CARMIL2: variants seen among roughly 807,000 people sequenced by gnomAD.
CARMIL2 encodes capping protein regulator and myosin 1 linker 2, also known as capping protein, Arp2/3 and myosin-I linker protein 2.
CARMIL2 carries 96 observed loss-of-function variants against 173.3 expected under a neutral mutation model. That is an observed-to-expected ratio of 0.55 (90% CI 0.47 to 0.66). CARMIL2 has a LOEUF of 0.66. Ranked by LOEUF, CARMIL2 falls within the 30% of genes least tolerant of loss-of-function variation. CARMIL2 has a pLI of 0.00. For missense variants in CARMIL2, 1,771 were observed against 1,906.7 expected, an observed-to-expected ratio of 0.93 and a Z score of 1.33; for synonymous variants, 830 against 817.1, an observed-to-expected ratio of 1.02 and a Z score of -0.27.
Position 67,648,677 on chromosome 16 carries a change from T to C in CARMIL2, c.1440-8T>C, listed in dbSNP as rs9972635. 0.078 allele frequency: 125,406 copies of C among 1,601,826 alleles called. 9,627 individuals carry two copies. Among genetic ancestry groups the C allele is most frequent in the African/African-American group, 0.38 (28,641 of 74,586 alleles). On this transcript the variant is annotated splice_polypyrimidine_tract_variant and splice_region_variant and intron_variant, in intron 15 of 37. Coordinates refer to ENST00000334583, the MANE Select transcript of CARMIL2 (RefSeq NM_001013838.3). The surrounding 1 kb of genome is among the most constrained non-coding windows in gnomAD (Gnocchi z 6.1). Reference sequence around the variant, plus strand: ...GCTCCCGCCACCCCGTGTAACGTCCTCTCCCAGAGCCCTTTTGGATGGCCT... The same window carrying C: ...GCTCCCGCCACCCCGTGTAACGTCCCCTCCCAGAGCCCTTTTGGATGGCCT...
In CARMIL2 at chr16:67,645,758, C is replaced by G. The variant is rs747820861; in HGVS notation, c.167C>G (p.Thr56Ser). ...CGATGGAGAGCCTACCTGCTGCACA[C>G]CACCTGCCTCCCGCTGAGGGTGAGT... Reference protein sequence around the residue: ...LLRWRAYLLHTTCLPLRVDCT... With the variant: ...LLRWRAYLLHSTCLPLRVDCT... The change falls in exon 3 of 38, where the codon ACC becomes AGC. Residue 56 changes from threonine to serine, a missense_variant. Thr to Ser is a moderately conservative substitution (Grantham distance 58). Transcript: ENST00000334583. The G allele has an allele frequency of 6.2e-7, 1 of 1,612,590 alleles. No homozygotes were observed. Among genetic ancestry groups the G allele is most frequent in the African/African-American group, 1.3e-5 (1 of 74,948 alleles).
chr16:67,652,545 C>T lies in CARMIL2; in HGVS notation c.2884+7C>T. 6.2e-7 allele frequency: 1 copy of T among 1,612,906 alleles called. No homozygotes were observed. The highest frequency in any genetic ancestry group is 8.5e-7 in the Non-Finnish European group (1 of 1,179,442). ...CTGGTCCCCTTCATTCACAGTAAGT[C>T]AGGGCCTTGGGGGAGGGAGTTTACG... On this transcript the variant is annotated splice_region_variant and intron_variant, in intron 28 of 37. Coordinates refer to ENST00000334583, the MANE Select transcript of CARMIL2 (RefSeq NM_001013838.3). The surrounding 1 kb of genome is among the most constrained non-coding windows in gnomAD (Gnocchi z 4.7).
Position 67,648,881 on chromosome 16 carries a change from TC to T in CARMIL2, c.1510-9del. On this transcript the variant is annotated splice_polypyrimidine_tract_variant and intron_variant, in intron 16 of 37. Coordinates refer to ENST00000334583, the MANE Select transcript of CARMIL2 (RefSeq NM_001013838.3). The surrounding 1 kb of genome is among the most constrained non-coding windows in gnomAD (Gnocchi z 6.1). ...TGGGTCCCACTTCCCACCTCCCACC[TC>T]CCACATACAGCTGCGCTCGGCCGGC... 1 of 1,599,372 alleles carries T rather than the reference TC, an allele frequency of 6.3e-7. No individual in the cohort carries two copies. The highest frequency in any genetic ancestry group is 8.5e-7 in the Non-Finnish European group (1 of 1,173,628).
chr16:67,653,172 G>A lies in CARMIL2; in HGVS notation c.3038G>A (p.Gly1013Glu). The A allele has an allele frequency of 9.0e-7, 1 of 1,113,624 alleles. No homozygotes were observed. Among genetic ancestry groups the A allele is most frequent in the Non-Finnish European group, 1.1e-6 (1 of 912,116 alleles). The allele number at this position is 1,113,624 out of a possible 1,614,324, so 69.0% of individuals were successfully genotyped here. ...CCCCGCATGGACCTGCCACTGGCGG[G>A]GCAGCCCCTGCGCCATCCGACCCGG... Reference protein sequence around the residue: ...PLPRMDLPLAGQPLRHPTRAR... With the variant: ...PLPRMDLPLAEQPLRHPTRAR... The change falls in exon 29 of 38, where the codon GGG becomes GAG. Residue 1013 changes from glycine to glutamate, a missense_variant. Gly to Glu is a moderately conservative substitution (Grantham distance 98). Coordinates refer to ENST00000334583, the MANE Select transcript of CARMIL2 (RefSeq NM_001013838.3). This position sits in a 1 kb window ranked among gnomAD's most constrained non-coding sequence, Gnocchi z 7.4.
At chr16:67,647,049 GGGCTGCTGGGCCTGGGACCT>G in intron 8 of CARMIL2, 47 bp from the exon 9 acceptor site, 1 of 1,606,924 alleles carries the variant, frequency 6.2e-7, no homozygotes, top group Non-Finnish European at 8.5e-7. Flanking sequence ...CTCCATGGAG[GGGCTGCTGGGCCTGGGACCT>G]GGCTGGAGGG....
rs765817045 is a variant in CARMIL2 at position 67,651,316 on chromosome 16, G to C, written c.2313+1G>C. 6.2e-7 allele frequency: 1 copy of C among 1,613,376 alleles called. No individual in the cohort carries two copies. The highest frequency in any genetic ancestry group is 1.1e-5 in the South Asian group (1 of 91,086). ...CCAAAATGCCAACTTCTCTCTCAGCGTGAGCACTCCCCCTCCTGCTACAAG... is the reference window on the plus strand; with the variant it reads ...CCAAAATGCCAACTTCTCTCTCAGCCTGAGCACTCCCCCTCCTGCTACAAG... On this transcript the variant is annotated splice_donor_variant, in intron 23 of 37. Transcript: ENST00000334583. LOFTEE classifies it high-confidence loss of function. The surrounding 1 kb of genome is among the most constrained non-coding windows in gnomAD (Gnocchi z 4.2).
At position 67,646,295 on chromosome 16, in the gene CARMIL2, C is replaced by T. The variant is rs201898634; in HGVS notation, c.359C>T (p.Pro120Leu). ...GCTGCAGCCATCAAGAAGGTCTTCC[C>T]TCGCTCGACCCTTGGGTGAGGCCTG... is the stretch of plus-strand genomic sequence containing the variant. The part of the protein sequence containing the change: ...HVAAAIKKVF[P>L]RSTLGKLFRR... Residue 120 changes from proline (P) to leucine (L), a missense_variant, in exon 5 of 38, where the codon CCT becomes CTT. By Grantham distance (98) the Pro-to-Leu change is moderately conservative. Transcript: ENST00000334583. The surrounding 1 kb of genome is among the most constrained non-coding windows in gnomAD (Gnocchi z 4.6). 7.4e-5 allele frequency: 120 copies of T among 1,613,458 alleles called. No individual in the cohort carries two copies. Among genetic ancestry groups the T allele is most frequent in the Non-Finnish European group, 9.7e-5 (114 of 1,179,764 alleles).
chr16:67,655,007 G>T (rs2052814522), intron 32 of CARMIL2, 107 bp downstream of exon 32: 12 of 1,405,206 alleles, frequency 8.5e-6, no homozygotes, highest in Non-Finnish European at 1.2e-5. Flanking sequence ...CTAATTGTCA[G>T]TTCTACTCCA....
Position 67,653,009 on chromosome 16 carries a change from G to A in CARMIL2, c.2885-10G>A. 1 of 1,260,434 alleles carries A rather than the reference G, an allele frequency of 7.9e-7. No individual in the cohort carries two copies. Among genetic ancestry groups the A allele is most frequent in the Non-Finnish European group, 1.0e-6 (1 of 982,286 alleles). 78.1% of individuals were successfully genotyped at this position (1,260,434 alleles called of 1,614,324 possible). ...CGGCGCTCGGTGCTCTTCTGGTGCT[G>A]TCCCCTCAGGTGCTGCTGAGGAAGC... On this transcript the variant is annotated splice_polypyrimidine_tract_variant and intron_variant, in intron 28 of 37. Transcript: ENST00000334583. The surrounding 1 kb of genome is among the most constrained non-coding windows in gnomAD (Gnocchi z 7.4).
rs774371542 is a variant in CARMIL2, at chr16:67,656,292, G to A, written c.3807G>A (p.Val1269=). ...PISIKSRTHS[V]SADPSCRPGP... Reference sequence around the variant, plus strand: ...CGATCAAGTCCCGCACCCACTCTGTGTCTGCTGGTGAGTGAGGGCCACTGT... The same window carrying A: ...CGATCAAGTCCCGCACCCACTCTGTATCTGCTGGTGAGTGAGGGCCACTGT... The change falls in exon 34 of 38, where the codon GTG becomes GTA. Residue 1269 remains valine, a synonymous_variant. Transcript: ENST00000334583. 13 of 1,614,012 alleles carry A rather than the reference G, an allele frequency of 8.1e-6. No individual in the cohort carries two copies. Among genetic ancestry groups the A allele is most frequent in the Non-Finnish European group, 1.0e-5 (12 of 1,179,886 alleles).
chr16:67,646,181 C>T lies in CARMIL2; in HGVS notation c.250-5C>T. 1 of 1,613,772 alleles carries T rather than the reference C, an allele frequency of 6.2e-7. No individual in the cohort carries two copies. Among genetic ancestry groups the T allele is most frequent in the Non-Finnish European group, 8.5e-7 (1 of 1,179,842 alleles). On this transcript the variant is annotated splice_polypyrimidine_tract_variant and splice_region_variant and intron_variant, in intron 4 of 37. Coordinates refer to ENST00000334583, the MANE Select transcript of CARMIL2 (RefSeq NM_001013838.3). This position sits in a 1 kb window ranked among gnomAD's most constrained non-coding sequence, Gnocchi z 4.6. Reference sequence around the variant, plus strand: ...AGCCGAGGCCTAGTAGTGCCCCTTCCCTAGGTCACCTTTGAGCTGGAGTCC... The same window carrying T: ...AGCCGAGGCCTAGTAGTGCCCCTTCTCTAGGTCACCTTTGAGCTGGAGTCC...
In CARMIL2 at chr16:67,647,585, AC is replaced by A; in HGVS notation, c.856del (p.Leu286CysfsTer7). On this transcript the variant is annotated frameshift_variant, in exon 11 of 38. Coordinates refer to ENST00000334583, the MANE Select transcript of CARMIL2 (RefSeq NM_001013838.3). LOFTEE classifies it high-confidence loss of function. ...CTGCGGGAGCTCAGCCTCGCGGGGA[AC>A]CTGCTGGATGACCGAGGTATGACTG... ...SGLRELSLAG[N>X]LLDDRGMTAL... is the part of the protein sequence containing the mutation. 1 of 1,610,850 alleles carries A rather than the reference AC, an allele frequency of 6.2e-7. No homozygotes were observed. The highest frequency in any genetic ancestry group is 8.5e-7 in the Non-Finnish European group (1 of 1,178,784).
rs779468765 is a variant in CARMIL2, at chr16:67,647,521, C to G, written c.790C>G (p.Arg264Gly). 1.2e-5 allele frequency: 19 copies of G among 1,606,260 alleles called. No individual in the cohort carries two copies. Among genetic ancestry groups the G allele is most frequent in the Non-Finnish European group, 1.5e-5 (18 of 1,176,826 alleles). ...TCTGGTCCCCAGAGACTTTGTCCGA[C>G]GACTGGCCCAGGCGCTGGCGGGACA... ...TCSLRGDFVR[R>G]LAQALAGHSS... The change falls in exon 11 of 38, where the codon CGA becomes GGA. Residue 264 changes from arginine (R) to glycine (G), a missense_variant. Coordinates refer to ENST00000334583, the MANE Select transcript of CARMIL2 (RefSeq NM_001013838.3).
At chr16:67,650,543 C>T in intron 22 of CARMIL2, 2 of 244,062 alleles carry the variant, frequency 8.2e-6, no homozygotes, top group South Asian at 1.4e-4. Flanking sequence ...GGAGATGTTT[C>T]TACCTCTCCA....
Position 67,647,419 on chromosome 16 carries a change from G to C in CARMIL2, c.776+32G>C, listed in dbSNP as rs1027752641. ...GGGACAGGGCAGGGCTTGGAGAGGA[G>C]AGTCTGGAGGCTTGGGACTGGGGGC... On this transcript the variant is annotated intron_variant, in intron 10 of 37. Transcript: ENST00000334583. The C allele has an allele frequency of 6.4e-6, 10 of 1,561,300 alleles. No homozygotes were observed. In the African/African-American group the frequency reaches 1.4e-4, roughly 21 times the overall value.
At chr16:67,647,242 G>T (rs2052610355) in intron 9 of CARMIL2, 51 bp downstream of exon 9, 2 of 1,611,822 alleles carry the variant, frequency 1.2e-6, no homozygotes, top group Non-Finnish European at 8.5e-7. Flanking sequence ...GTGGGCCAGG[G>T]TGCAGCCCGC....
rs1597747753 is a variant in CARMIL2, at chr16:67,648,546, C to T, written c.1439+44C>T. On this transcript the variant is annotated intron_variant, in intron 15 of 37. Coordinates refer to ENST00000334583, the MANE Select transcript of CARMIL2 (RefSeq NM_001013838.3). This position sits in a 1 kb window ranked among gnomAD's most constrained non-coding sequence, Gnocchi z 6.1. ...CCACGCCCCCGCGGGCGCTCCCACC[C>T]TGCCCTGGCCTTCGCCCCTCCCCGC... 6.9e-7 allele frequency: 1 copy of T among 1,459,718 alleles called. No homozygotes were observed. The highest frequency in any genetic ancestry group is 9.2e-7 in the Non-Finnish European group (1 of 1,086,482). The allele number at this position is 1,459,718 out of a possible 1,614,324, so 90.4% of individuals were successfully genotyped here.
At position 67,652,103 on chromosome 16, in the gene CARMIL2, C is replaced by T; in HGVS notation, c.2676+95C>T. ...GGGGCTCTGTAATGTCTTCTGGGGT[C>T]ATGTAGCCCAGGGCTATTTCAGGGT... On this transcript the variant is annotated intron_variant, in intron 26 of 37. Coordinates refer to ENST00000334583, the MANE Select transcript of CARMIL2 (RefSeq NM_001013838.3). The surrounding 1 kb of genome is among the most constrained non-coding windows in gnomAD (Gnocchi z 4.7). 1 of 1,594,990 alleles carries T rather than the reference C, an allele frequency of 6.3e-7. No individual in the cohort carries two copies. Among genetic ancestry groups the T allele is most frequent in the East Asian group, 2.2e-5 (1 of 44,680 alleles).
In CARMIL2 at chr16:67,653,039, C is replaced by A; in HGVS notation, c.2905C>A (p.Pro969Thr). The change falls in exon 29 of 38, where the codon CCG becomes ACG. Residue 969 changes from proline to threonine, a missense_variant. Physicochemically the swap from Pro to Thr is conservative, Grantham distance 38. Transcript: ENST00000334583. This position sits in a 1 kb window ranked among gnomAD's most constrained non-coding sequence, Gnocchi z 7.4. Reference protein sequence around the residue: ...FIHSAAEEAEPEPELAAPGED... With the variant: ...FIHSAAEEAETEPELAAPGED... The stretch of plus-strand genomic sequence containing the variant: ...CTCAGGTGCTGCTGAGGAAGCGGAG[C>A]CGGAGCCCGAGCTGGCGGCTCCGGG... 7.9e-7 allele frequency: 1 copy of A among 1,271,550 alleles called. No homozygotes were observed. The highest frequency in any genetic ancestry group is 1.0e-6 in the Non-Finnish European group (1 of 996,224). The allele number at this position is 1,271,550 out of a possible 1,614,324, so 78.8% of individuals were successfully genotyped here. A position where few individuals can be genotyped will look rare whatever the true frequency, so the allele number is the denominator to read the frequency against.
Sources: gnomAD v4.1 joint callset for allele counts on GRCh38, gnomAD v4.1.1 for gene constraint, Gnocchi (gnomAD v3.1) non-coding constraint, MANE v1.5 for transcripts, NCBI Gene and HGNC (gene_info 2026-07-23, HGNC 2026-07-21) for gene names.